Variants in ONECUT1 observed in about 807,000 individuals in gnomAD.
ONECUT1 encodes the protein hepatocyte nuclear factor 6.
Under a neutral mutation model 25.6 loss-of-function variants are expected in ONECUT1, and 12 were observed. The observed-to-expected ratio is 0.47, with a 90% CI of 0.30 to 0.76. The LOEUF is 0.76. Ranked by LOEUF, ONECUT1 falls within the 30% of genes least tolerant of loss-of-function variation. ONECUT1 has a pLI of 0.07. For missense variants in ONECUT1, 620 were observed against 651.2 expected, an observed-to-expected ratio of 0.95 and a Z score of 0.52; for synonymous variants, 285 against 270.2, an observed-to-expected ratio of 1.05 and a Z score of -0.54.
At position 52,757,899 on chromosome 15, in the gene ONECUT1, G is replaced by T. The variant is rs556476429; in HGVS notation, c.1106-52C>A. On this transcript the variant is annotated intron_variant, in intron 1 of 1. Transcript: ENST00000305901. ...AACAAATGGTCTAGGGGAGAATCATGAGTAGAAAGACAGAGCTCATAAAAT... is the reference window on the plus strand; with the variant it reads ...AACAAATGGTCTAGGGGAGAATCATTAGTAGAAAGACAGAGCTCATAAAAT... 3 of 1,556,542 alleles carry T rather than the reference G, an allele frequency of 1.9e-6. No individual in the cohort carries two copies. The Admixed American group carries it at 5.7e-5, about 29-fold the overall frequency.
At chr15:52,758,227 G>A (rs1485618286) in intron 1 of ONECUT1, among the ~76,000 whole-genome samples, 4 of 152,148 alleles carry the variant, frequency 2.6e-5, no homozygotes, top group Non-Finnish European at 2.9e-5. Context: ...CTACCTTGCC[G>A]TGTTGTGGTA....
chr15:52,755,230 A>T lies in ONECUT1; in HGVS notation c.*2325T>A, dbSNP rs1231257157. ...CTTTCCTCCCTCCTAAATTATAAAT[A>T]CATTATGTAGCTGTATCCCCGGCTC... On this transcript the variant is annotated 3_prime_UTR_variant, in exon 2 of 2. Transcript: ENST00000305901. Among the ~76,000 whole-genome samples, 1 of 152,174 alleles carries T rather than the reference A, an allele frequency of 6.6e-6. No individual in the cohort carries two copies. The highest frequency in any genetic ancestry group is 1.9e-4 in the East Asian group (1 of 5,204).
intron 1 of ONECUT1, among the ~76,000 whole-genome samples, chr15:52,767,210 C>A (rs1034029222): frequency 6.6e-6 from 1 of 152,002 alleles, no homozygotes; most frequent in Non-Finnish European, 1.5e-5. Context: ...TGGAGGACAT[C>A]GGGAGGTACA....
chr15:52,777,046 C>T (rs1371830568), intron 1 of ONECUT1, among the ~76,000 whole-genome samples: 1 of 152,058 alleles, frequency 6.6e-6, no homozygotes, highest in Admixed American at 6.6e-5. Context: ...GTAGTGAGGA[C>T]CTATAGAACA....
At chr15:52,778,180 C>G (rs2083816646) in intron 1 of ONECUT1, among the ~76,000 whole-genome samples, 1 of 152,174 alleles carries the variant, frequency 6.6e-6, no homozygotes, top group South Asian at 2.1e-4. Flanking sequence ...GTCCACCACT[C>G]AATAAAAGAA....
At chr15:52,776,135 A>G (rs1047842406) in intron 1 of ONECUT1, among the ~76,000 whole-genome samples, 29 of 152,302 alleles carry the variant, frequency 1.9e-4, no homozygotes, top group Admixed American at 9.2e-4. Flanking sequence ...TGCTCACATC[A>G]TGTCTCTCTC....
intron 1 of ONECUT1, among the ~76,000 whole-genome samples, chr15:52,781,373 A>G (rs1203985960): frequency 6.6e-6 from 1 of 152,266 alleles, no homozygotes; most frequent in Non-Finnish European, 1.5e-5. Context: ...TATAAAAGAA[A>G]TAAGTTTTCA....
At position 52,789,871 on chromosome 15, in the gene ONECUT1, A is replaced by T; in HGVS notation, c.14T>A (p.Leu5Gln). 1.9e-6 allele frequency: 3 copies of T among 1,540,584 alleles called. No homozygotes were observed. The highest frequency in any genetic ancestry group is 2.6e-6 in the Non-Finnish European group (3 of 1,153,744). Residue 5 changes from leucine (L) to glutamine (Q), a missense_variant, in exon 1 of 2, where the codon CTG becomes CAG. Transcript: ENST00000305901. The surrounding 1 kb of genome is among the most constrained non-coding windows in gnomAD (Gnocchi z 4.1). MNAQ[L>Q]TMEAIGELHG... ...CAGCTCGCCGATCGCTTCCATGGTCAGCTGCGCGTTCATCGTGATCCGGGC... is the reference window on the plus strand; with the variant it reads ...CAGCTCGCCGATCGCTTCCATGGTCTGCTGCGCGTTCATCGTGATCCGGGC...
At chr15:52,782,514 A>AT (rs146941004) in intron 1 of ONECUT1, among the ~76,000 whole-genome samples, 1,587 of 152,298 alleles carry the variant, frequency 0.01, 17 homozygotes, top group African/African-American at 0.027. Flanking sequence ...TGAGACTGAC[A>AT]TTTTTTATGT....
chr15:52,780,870 T>A (rs2083836516), intron 1 of ONECUT1: 1 of 1,346,620 alleles, frequency 7.4e-7, no homozygotes, highest in Non-Finnish European at 9.5e-7. Context: ...TCAGAAACCG[T>A]CGATTCTGAA....
At chr15:52,767,463 G>T (rs80235464) in intron 1 of ONECUT1, among the ~76,000 whole-genome samples, 1 of 152,110 alleles carries the variant, frequency 6.6e-6, no homozygotes, top group Non-Finnish European at 1.5e-5. Context: ...TACTGGCATC[G>T]TCCTCTCGCT....
intron 1 of ONECUT1, among the ~76,000 whole-genome samples, chr15:52,775,452 A>AACACACACACACACACAC (rs139797470): frequency 7.1e-6 from 1 of 140,952 alleles, no homozygotes. Flanking sequence ...TTTAAAGAGG[A>AACACACACACACACACAC]ACACACACAC....
At chr15:52,777,697 A>AAC (rs369734028) in intron 1 of ONECUT1, among the ~76,000 whole-genome samples, 3,184 of 122,084 alleles carry the variant, frequency 0.026, 109 homozygotes, top group Middle Eastern at 0.066. Flanking sequence ...CTTCCTGGAA[A>AAC]ACACACACAC....
At position 52,770,250 on chromosome 15, in the gene ONECUT1, G is replaced by T. The variant is rs573271217; in HGVS notation, c.1106-12403C>A. Reference sequence around the variant, plus strand: ...ACTGAGAAACTTTAAAAGCACTCGTGCCTGGGATCCATCTCCAGAGATACT... The same window carrying T: ...ACTGAGAAACTTTAAAAGCACTCGTTCCTGGGATCCATCTCCAGAGATACT... On this transcript the variant is annotated intron_variant, in intron 1 of 1. Coordinates refer to ENST00000305901, the MANE Select transcript of ONECUT1 (RefSeq NM_004498.4). Among the ~76,000 whole-genome samples, 43 of 152,328 alleles carry T rather than the reference G, an allele frequency of 2.8e-4. No individual in the cohort carries two copies. The South Asian group carries it at 8.5e-3, about 30-fold the overall frequency.
rs1263393505 is a variant in ONECUT1, at chr15:52,784,019, G to A, written c.1105+4761C>T. 6.6e-6 allele frequency among the ~76,000 whole-genome samples: 1 copy of A among 152,216 alleles called. No homozygotes were observed. Among genetic ancestry groups the A allele is most frequent in the Admixed American group, 6.5e-5 (1 of 15,288 alleles). On this transcript the variant is annotated intron_variant, in intron 1 of 1. Coordinates refer to ENST00000305901, the MANE Select transcript of ONECUT1 (RefSeq NM_004498.4). The surrounding 1 kb of genome is among the most constrained non-coding windows in gnomAD (Gnocchi z 5.0). ...CGTTCTAAAAACAAAGGCGCAGCAAGCATCCCTTTCTTCGCTGCCGCGGGC... is the reference window on the plus strand; with the variant it reads ...CGTTCTAAAAACAAAGGCGCAGCAAACATCCCTTTCTTCGCTGCCGCGGGC...
At chr15:52,783,099 T>C (rs2083851338) in intron 1 of ONECUT1, among the ~76,000 whole-genome samples, 1 of 152,230 alleles carries the variant, frequency 6.6e-6, no homozygotes, top group Non-Finnish European at 1.5e-5. Flanking sequence ...AAACAGCTCG[T>C]GTAACAACCT....
chr15:52,761,412 T>A (rs2083705337), intron 1 of ONECUT1, among the ~76,000 whole-genome samples: 1 of 152,196 alleles, frequency 6.6e-6, no homozygotes, highest in Admixed American at 6.5e-5. Flanking sequence ...TTCTCACGCC[T>A]GTAATCCCAG....
chr15:52,768,894 C>T lies in ONECUT1; in HGVS notation c.1106-11047G>A, dbSNP rs183009747. On this transcript the variant is annotated intron_variant, in intron 1 of 1. Transcript: ENST00000305901. ...AAAAGCCCAAGATGAAAGCCCTTGG[C>T]GGCTACTCTACCATGATATTCAAGG... Among the ~76,000 whole-genome samples the T allele has an allele frequency of 9.9e-5, 15 of 152,252 alleles. No homozygotes were observed. The East Asian group carries it at 1.3e-3, about 14-fold the overall frequency.
intron 1 of ONECUT1, among the ~76,000 whole-genome samples, chr15:52,762,886 C>T (rs1180181919): frequency 6.6e-6 from 1 of 151,914 alleles, no homozygotes; most frequent in Non-Finnish European, 1.5e-5. Flanking sequence ...GAAATTTCCA[C>T]GGAATTGATT....
Sources: allele counts gnomAD v4.1 joint callset (sites outside exome capture counted in the v4.1 genomes callset), GRCh38; gene constraint gnomAD v4.1.1; non-coding constraint Gnocchi (gnomAD v3.1); transcripts MANE v1.5; gene names NCBI Gene and HGNC (gene_info 2026-07-23, HGNC 2026-07-21).